Variants in SYK observed in about 807,000 individuals in gnomAD.
The protein encoded by SYK is tyrosine-protein kinase SYK.
Under a neutral mutation model 77.8 loss-of-function variants are expected in SYK, and 16 were observed. That is an observed-to-expected ratio of 0.21 (90% CI 0.14 to 0.31). SYK has a LOEUF of 0.31. Among genes scored for constraint, SYK ranks in the 10% least tolerant of loss-of-function variants. The pLI is 1.00. For synonymous variants in SYK, 312 were observed against 308.7 expected, an observed-to-expected ratio of 1.01 and a Z score of -0.11; for missense variants, 529 against 814.4, an observed-to-expected ratio of 0.65 and a Z score of 4.26.
chr9:90,854,651 G>T (rs926403626), intron 3 of SYK, among the ~76,000 whole-genome samples: 8 of 152,052 alleles, frequency 5.3e-5, no homozygotes, highest in Admixed American at 1.3e-4. Context: ...GATAAAAAGC[G>T]CAGAAACCCT....
chr9:90,857,926 A>G (rs1179563714), intron 3 of SYK, among the ~76,000 whole-genome samples: 1 of 137,370 alleles, frequency 7.3e-6, no homozygotes, highest in Non-Finnish European at 1.5e-5. Context: ...ACCCGGTGAT[A>G]CTCTACTCTG....
intron 11 of SYK, among the ~76,000 whole-genome samples, chr9:90,887,095 G>A (rs1009000488): frequency 1.3e-5 from 2 of 152,200 alleles, no homozygotes; most frequent in Admixed American, 1.3e-4. Flanking sequence ...CTGTGTAAAT[G>A]AAGAGGATAT....
intron 3 of SYK, among the ~76,000 whole-genome samples, chr9:90,853,887 T>G (rs141740205): frequency 0.025 from 3,790 of 151,202 alleles, 161 homozygotes; most frequent in East Asian, 0.22. Flanking sequence ...TAAAATAAAA[T>G]AAAATAAAAA....
chr9:90,820,903 C>A (rs886799224), intron 1 of SYK, among the ~76,000 whole-genome samples: 3 of 151,698 alleles, frequency 2.0e-5, no homozygotes, highest in African/African-American at 7.3e-5. Flanking sequence ...TAACAGTCCC[C>A]AAGTCACCTC....
intron 1 of SYK, among the ~76,000 whole-genome samples, chr9:90,818,696 T>C (rs1290568502): frequency 6.6e-6 from 1 of 152,268 alleles, no homozygotes; most frequent in Non-Finnish European, 1.5e-5. Flanking sequence ...TTTTACCATT[T>C]ATGCCTTTAT....
intron 1 of SYK, among the ~76,000 whole-genome samples, chr9:90,830,211 C>G (rs1326413847): frequency 6.6e-6 from 1 of 152,236 alleles, no homozygotes; most frequent in Non-Finnish European, 1.5e-5. Flanking sequence ...CCTTGGAGAC[C>G]AGGCACCCTG....
At chr9:90,802,673 G>C (rs1826774499) in intron 1 of SYK, among the ~76,000 whole-genome samples, 1 of 151,940 alleles carries the variant, frequency 6.6e-6, no homozygotes, top group African/African-American at 2.4e-5. Flanking sequence ...AATGTTCAAG[G>C]ACTAGAAAGA....
At chr9:90,812,432 A>C (rs1484445778) in intron 1 of SYK, among the ~76,000 whole-genome samples, 4 of 152,140 alleles carry the variant, frequency 2.6e-5, no homozygotes, top group Non-Finnish European at 5.9e-5. Flanking sequence ...ACATGCTTGC[A>C]CCCTGCTGTC....
chr9:90,847,099 G>T (rs755976538), intron 3 of SYK, among the ~76,000 whole-genome samples: 3 of 152,130 alleles, frequency 2.0e-5, no homozygotes, highest in Non-Finnish European at 4.4e-5. Context: ...CATGACTTTT[G>T]CTCTCTCCTT....
intron 1 of SYK, among the ~76,000 whole-genome samples, chr9:90,826,197 A>G (rs1380981848): frequency 6.6e-6 from 1 of 152,244 alleles, no homozygotes; most frequent in Non-Finnish European, 1.5e-5. Flanking sequence ...GAGAAGAGGC[A>G]GGCTTCAAAT....
At chr9:90,814,091 T>G (rs1825202207) in intron 1 of SYK, among the ~76,000 whole-genome samples, 1 of 152,132 alleles carries the variant, frequency 6.6e-6, no homozygotes, top group Admixed American at 6.5e-5. Context: ...TTAAAGTTAT[T>G]TCTCATATTG....
rs537161694 is a variant in SYK at position 90,869,853 on chromosome 9, A to G, written c.915+2654A>G. ...CCAAGCACAGTGGCTCATGCCTATA[A>G]TCCCAGCACTTTGGGAGGCCGAGGC... On this transcript the variant is annotated intron_variant, in intron 7 of 13. Coordinates refer to ENST00000375754, the MANE Select transcript of SYK (RefSeq NM_003177.7). Among the ~76,000 whole-genome samples the G allele has an allele frequency of 5.3e-5, 8 of 152,350 alleles. No individual in the cohort carries two copies. The South Asian group carries it at 1.7e-3, about 32-fold the overall frequency.
In SYK at chr9:90,897,127, T is replaced by C; in HGVS notation, c.*1527T>C. 4.4e-6 allele frequency: 1 copy of C among 229,258 alleles called. No homozygotes were observed. The highest frequency in any genetic ancestry group is 8.7e-6 in the Non-Finnish European group (1 of 115,520). The allele number at this position is 229,258 out of a possible 1,614,324, so 14.2% of individuals were successfully genotyped here. On this transcript the variant is annotated 3_prime_UTR_variant, in exon 14 of 14. Coordinates refer to ENST00000375754, the MANE Select transcript of SYK (RefSeq NM_003177.7). ...GACCCATCTGGTCTTCAGCTAAACC[T>C]GAGACATTTTAAAGTGCATGGACAG...
intron 1 of SYK, among the ~76,000 whole-genome samples, chr9:90,831,699 G>T (rs553331595): frequency 6.6e-6 from 1 of 152,156 alleles, no homozygotes; most frequent in African/African-American, 2.4e-5. Flanking sequence ...CATTTGTGAC[G>T]TGCACAAAGC....
At chr9:90,852,340 C>A (rs10993717) in intron 3 of SYK, among the ~76,000 whole-genome samples, 5,844 of 152,246 alleles carry the variant, frequency 0.038, 212 homozygotes, top group East Asian at 0.22. Flanking sequence ...TGATCAACTC[C>A]TCTCTGACCC....
At chr9:90,845,306 A>T in intron 2 of SYK, 128 bp from the exon 3 acceptor site, 1 of 954,234 alleles carries the variant, frequency 1.0e-6, no homozygotes, top group Non-Finnish European at 1.5e-6. Context: ...TTATTTACTG[A>T]ATGAATGAGT....
intron 10 of SYK, among the ~76,000 whole-genome samples, chr9:90,878,438 G>A (rs1331989622): frequency 6.6e-6 from 1 of 152,184 alleles, no homozygotes; most frequent in Non-Finnish European, 1.5e-5. Flanking sequence ...GATTCTCAGG[G>A]TTAGTTCTGT....
intron 6 of SYK, among the ~76,000 whole-genome samples, chr9:90,866,405 G>A (rs1827499341): frequency 6.6e-6 from 1 of 152,226 alleles, no homozygotes; most frequent in African/African-American, 2.4e-5. Context: ...CAAATGCAGG[G>A]AACGTGAATT....
intron 1 of SYK, among the ~76,000 whole-genome samples, chr9:90,829,564 C>A (rs1280077358): frequency 1.3e-5 from 2 of 152,228 alleles, no homozygotes; most frequent in South Asian, 2.1e-4. Context: ...TCACGCAGTC[C>A]CCAGGATGAA....
Sources: allele counts gnomAD v4.1 joint callset (sites outside exome capture counted in the v4.1 genomes callset), GRCh38; gene constraint gnomAD v4.1.1; transcripts MANE v1.5; gene names NCBI Gene and HGNC (gene_info 2026-07-23, HGNC 2026-07-21).